LAMC2: variants seen among roughly 807,000 people sequenced by gnomAD.
LAMC2 encodes laminin subunit gamma-2.
LAMC2 carries 97 observed loss-of-function variants against 140.2 expected under a neutral mutation model. The ratio of observed to expected loss-of-function variants is 0.69; its 90% CI spans 0.59 to 0.82. The LOEUF is 0.82. Among genes scored for constraint, LAMC2 ranks in the 40% least tolerant of loss-of-function variants. LAMC2 has a pLI of 0.00. For synonymous variants in LAMC2, 513 were observed against 540.2 expected (o/e 0.95, Z 0.70); for missense variants, 1,402 against 1,476.1 (o/e 0.95, Z 0.82).
chr1:183,253,187 C>G, the LAMC2 span, among the ~76,000 whole-genome samples: 1 of 149,398 alleles, frequency 6.7e-6, no homozygotes, highest in Non-Finnish European at 1.5e-5. Flanking sequence ...GTAAGATACA[C>G]ATATATTATC....
chr1:183,205,699 T>C (rs1658863767), intron 1 of LAMC2, among the ~76,000 whole-genome samples: 1 of 152,178 alleles, frequency 6.6e-6, no homozygotes, highest in Non-Finnish European at 1.5e-5. Flanking sequence ...GCCATAGCTA[T>C]CTTCAGATTC....
At position 183,195,139 on chromosome 1, in the gene LAMC2, C is replaced by T. The variant is rs114193586; in HGVS notation, c.79+8708C>T. Among the ~76,000 whole-genome samples the T allele has an allele frequency of 2.7e-3, 408 of 152,328 alleles. 1 individual carries two copies. The highest frequency in any genetic ancestry group is 9.5e-3 in the African/African-American group (395 of 41,580). ...AGACAAAACTTGGTGTCCCCAGTTT[C>T]CCTGTTCACTGGGACTTTCTTCCCC... On this transcript the variant is annotated intron_variant, in intron 1 of 22. Coordinates refer to ENST00000264144, the MANE Select transcript of LAMC2 (RefSeq NM_005562.3).
intron 2 of LAMC2, among the ~76,000 whole-genome samples, chr1:183,212,576 T>G (rs1176129462): frequency 6.6e-6 from 1 of 152,102 alleles, no homozygotes; most frequent in Non-Finnish European, 1.5e-5. Context: ...TCCTCACCAC[T>G]TCCCCTCCTC....
rs747213422 is a variant in LAMC2 at position 183,237,409 on chromosome 1, A to C, written c.2659A>C (p.Arg887=). Reference sequence around the variant, plus strand: ...GGATTCACTCTCAAGCCTGGTAACCAGGCATATGGATGAGTTCAAGCGTAC... The same window carrying C: ...GGATTCACTCTCAAGCCTGGTAACCCGGCATATGGATGAGTTCAAGCGTAC... ...KADSLSSLVT[R]HMDEFKRTQK... The change falls in exon 18 of 23, where the codon AGG becomes CGG. Residue 887 remains arginine (R), a synonymous_variant. Coordinates refer to ENST00000264144, the MANE Select transcript of LAMC2 (RefSeq NM_005562.3). 9 of 1,614,166 alleles carry C rather than the reference A, an allele frequency of 5.6e-6. No individual in the cohort carries two copies. The South Asian group carries it at 8.8e-5, about 16-fold the overall frequency.
intron 22 of LAMC2, among the ~76,000 whole-genome samples, chr1:183,242,273 T>C (rs1018592833): frequency 2.0e-5 from 3 of 152,222 alleles, no homozygotes; most frequent in African/African-American, 4.8e-5. Context: ...AAAGATCCAT[T>C]TGGATCAACA....
At position 183,226,865 on chromosome 1, in the gene LAMC2, A is replaced by C; in HGVS notation, c.1234A>C (p.Thr412Pro). 1 of 1,614,148 alleles carries C rather than the reference A, an allele frequency of 6.2e-7. No homozygotes were observed. Among genetic ancestry groups the C allele is most frequent in the Admixed American group, 1.7e-5 (1 of 60,026 alleles). The change falls in exon 9 of 23, where the codon ACC becomes CCC. Residue 412 changes from threonine (T) to proline (P), a missense_variant. Coordinates refer to ENST00000264144, the MANE Select transcript of LAMC2 (RefSeq NM_005562.3). ...TTCAGCGAGACTGGGGCCTTTTGGC[A>C]CCTGTATTCCTTGTAACTGTCAAGG... The part of the protein sequence containing the change: ...RDSARLGPFG[T>P]CIPCNCQGGG...
intron 11 of LAMC2, among the ~76,000 whole-genome samples, chr1:183,229,703 T>A (rs2102235380): frequency 6.6e-6 from 1 of 150,890 alleles, no homozygotes; most frequent in East Asian, 2.0e-4. Flanking sequence ...TGGTTCCTCA[T>A]GAAGACCCAG....
At chr1:183,255,466 G>A in the LAMC2 span, among the ~76,000 whole-genome samples, 1 of 151,980 alleles carries the variant, frequency 6.6e-6, no homozygotes, top group Non-Finnish European at 1.5e-5. Context: ...GCTGCCATTG[G>A]GATTTTGATA....
At chr1:183,221,079 T>C (rs1659455736) in intron 5 of LAMC2, 118 bp downstream of exon 5, 2 of 980,998 alleles carry the variant, frequency 2.0e-6, no homozygotes, top group South Asian at 1.4e-5. Flanking sequence ...CTTATAGTAT[T>C]GAATGTACAT....
At chr1:183,253,323 T>A in the LAMC2 span, among the ~76,000 whole-genome samples, 2 of 148,188 alleles carry the variant, frequency 1.3e-5, no homozygotes, top group Non-Finnish European at 3.0e-5. Flanking sequence ...ATTATTTATA[T>A]AAGTGTTAAT....
chr1:183,222,227 T>C lies in LAMC2; in HGVS notation c.763+16T>C. On this transcript the variant is annotated intron_variant, in intron 6 of 22. Transcript: ENST00000264144. ...GTGGCTCCTGGTATGTGAGGAATAA[T>C]GTCTCCTATAGAGGCCAGCTTATAG... The C allele has an allele frequency of 6.2e-7, 1 of 1,613,706 alleles. No individual in the cohort carries two copies. Among genetic ancestry groups the C allele is most frequent in the Non-Finnish European group, 8.5e-7 (1 of 1,179,624 alleles).
intron 1 of LAMC2, 148 bp downstream of exon 1, chr1:183,186,579 C>T: frequency 1.4e-6 from 1 of 722,418 alleles, no homozygotes; most frequent in Non-Finnish European, 2.1e-6. Context: ...ATCTGGGGCT[C>T]CTCCAGAGAC....
chr1:183,230,696 A>T (rs911206675), intron 11 of LAMC2, among the ~76,000 whole-genome samples: 1 of 152,234 alleles, frequency 6.6e-6, no homozygotes, highest in Non-Finnish European at 1.5e-5. Context: ...GCAAAGCCAG[A>T]GTGCTTGCAG....
intron 11 of LAMC2, among the ~76,000 whole-genome samples, chr1:183,230,088 C>G (rs1362202356): frequency 5.3e-5 from 8 of 152,276 alleles, no homozygotes; most frequent in Non-Finnish European, 1.0e-4. Context: ...TATATTCTAA[C>G]TATATTCTGT....
chr1:183,235,251 C>T (rs1659916974), intron 15 of LAMC2, among the ~76,000 whole-genome samples: 1 of 152,168 alleles, frequency 6.6e-6, no homozygotes. Flanking sequence ...CTAGAGGTTT[C>T]TTCCTGCAGC....
Position 183,235,709 on chromosome 1 carries a change from T to G in LAMC2, c.2435T>G (p.Val812Gly), listed in dbSNP as rs1558097342. The change falls in exon 16 of 23, where the codon GTG (valine) becomes GGG (glycine). Residue 812 changes from valine to glycine, a missense_variant. Coordinates refer to ENST00000264144, the MANE Select transcript of LAMC2 (RefSeq NM_005562.3). ...GGAAGCGGTAGCCCGGACGGTGCTG[T>G]GGTGCAAGGGCTTGTGGAAAAGTAC... ...GSGSGSPDGA[V>G]VQGLVEKLEK... 1.2e-6 allele frequency: 2 copies of G among 1,614,200 alleles called. No individual in the cohort carries two copies. Among genetic ancestry groups the G allele is most frequent in the East Asian group, 4.5e-5 (2 of 44,892 alleles).
intron 1 of LAMC2, among the ~76,000 whole-genome samples, chr1:183,193,603 C>T (rs1027078173): frequency 1.3e-5 from 2 of 152,156 alleles, no homozygotes; most frequent in African/African-American, 2.4e-5. Flanking sequence ...AATCGTTTTT[C>T]ATCCCAAATA....
intron 2 of LAMC2, among the ~76,000 whole-genome samples, chr1:183,211,669 C>G (rs1322557292): frequency 1.3e-5 from 2 of 151,838 alleles, no homozygotes; most frequent in Admixed American, 1.3e-4. Context: ...TTCCACCATG[C>G]CTGACTAATT....
chr1:183,254,325 C>T, the LAMC2 span, among the ~76,000 whole-genome samples: 77 of 152,072 alleles, frequency 5.1e-4, no homozygotes, highest in Non-Finnish European at 9.3e-4. Context: ...ATTTTTATTT[C>T]CCTGGTGATT....
Sources: allele counts gnomAD v4.1 joint callset (sites outside exome capture counted in the v4.1 genomes callset), GRCh38; gene constraint gnomAD v4.1.1; transcripts MANE v1.5; gene names NCBI Gene and HGNC (gene_info 2026-07-23, HGNC 2026-07-21).